SIAH1: variants seen among roughly 807,000 people sequenced by gnomAD.
The protein encoded by SIAH1 is E3 ubiquitin-protein ligase SIAH1.
In SIAH1, 2 loss-of-function variants were observed where a neutral mutation model predicts 20.0. The observed-to-expected ratio is 0.10, with a 90% CI of 0.04 to 0.31. The LOEUF is 0.31. Among genes scored for constraint, SIAH1 ranks in the 10% least tolerant of loss-of-function variants. The pLI is 1.00. For missense variants in SIAH1, 119 were observed against 355.3 expected, an observed-to-expected ratio of 0.33 and a Z score of 5.35; for synonymous variants, 118 against 125.3, an observed-to-expected ratio of 0.94 and a Z score of 0.39.
chr16:48,384,355 A>G (rs755536683), intron 1 of SIAH1, among the ~76,000 whole-genome samples: 21 of 152,308 alleles, frequency 1.4e-4, no homozygotes, highest in Admixed American at 3.3e-4. Context: ...CAAATTATGT[A>G]TCTTTCCAGG....
chr16:48,381,455 G>A (rs997831603), intron 1 of SIAH1, among the ~76,000 whole-genome samples: 2 of 152,182 alleles, frequency 1.3e-5, no homozygotes, highest in African/African-American at 4.8e-5. Flanking sequence ...CCTGCAAATG[G>A]ACGTTTACAG....
At chr16:48,384,646 G>GC (rs924349202) in intron 1 of SIAH1, among the ~76,000 whole-genome samples, 6 of 151,246 alleles carry the variant, frequency 4.0e-5, no homozygotes, top group African/African-American at 1.4e-4. Flanking sequence ...GACGGCTCCA[G>GC]CCGGGGGTCG....
chr16:48,382,340 C>T (rs1269524648), intron 1 of SIAH1, among the ~76,000 whole-genome samples: 2 of 151,942 alleles, frequency 1.3e-5, no homozygotes, highest in Middle Eastern at 3.2e-3. Context: ...GCTATGACAT[C>T]ACCACTGCAC....
intron 1 of SIAH1, among the ~76,000 whole-genome samples, chr16:48,375,579 A>G (rs1375745706): frequency 2.0e-5 from 3 of 152,122 alleles, no homozygotes; most frequent in African/African-American, 7.2e-5. Context: ...TAGAGGGTAT[A>G]GTGAGATGAG....
chr16:48,375,070 A>G (rs1278372309), intron 1 of SIAH1, among the ~76,000 whole-genome samples: 1 of 152,264 alleles, frequency 6.6e-6, no homozygotes, highest in East Asian at 1.9e-4. Context: ...TAATTACTTG[A>G]ACCCGGGCAC....
intron 1 of SIAH1, among the ~76,000 whole-genome samples, chr16:48,374,383 C>CA (rs1237944151): frequency 6.6e-6 from 1 of 152,156 alleles, no homozygotes; most frequent in Admixed American, 6.6e-5. Context: ...TTAAAATTCT[C>CA]AAAGAAAATT....
At chr16:48,376,531 G>A (rs962232345) in intron 1 of SIAH1, among the ~76,000 whole-genome samples, 2 of 151,710 alleles carry the variant, frequency 1.3e-5, no homozygotes, top group South Asian at 2.1e-4. Context: ...TCGCTCTGTC[G>A]CCCAGGCTGG....
intron 1 of SIAH1, among the ~76,000 whole-genome samples, chr16:48,377,255 A>C (rs996264110): frequency 9.2e-5 from 14 of 152,200 alleles, no homozygotes; most frequent in Admixed American, 6.5e-4. Context: ...AGCAAAAAAA[A>C]CCAAAAACAA....
intron 1 of SIAH1, among the ~76,000 whole-genome samples, chr16:48,376,371 GCTTT>G (rs1457243643): frequency 2.0e-5 from 3 of 151,956 alleles, no homozygotes; most frequent in African/African-American, 7.3e-5. Flanking sequence ...TTTTCTCCTT[GCTTT>G]CACTTTTTTT....
rs115857049 is a variant in SIAH1 at position 48,382,145 on chromosome 16, G to A, written c.-3+3059C>T. On this transcript the variant is annotated intron_variant, in intron 1 of 1. Transcript: ENST00000394725. ...TAATCTCAGCACTTTGGGAGTCCGA[G>A]GTGGGCGGATTACTTGAGCCCAGGA... Among the ~76,000 whole-genome samples the A allele has an allele frequency of 4.4e-3, 667 of 152,298 alleles. 7 individuals are homozygous for A. Among genetic ancestry groups the A allele is most frequent in the African/African-American group, 0.015 (638 of 41,568 alleles).
chr16:48,367,409 C>A (rs568062125), intron 1 of SIAH1, among the ~76,000 whole-genome samples: 2 of 152,320 alleles, frequency 1.3e-5, no homozygotes, highest in East Asian at 3.9e-4. Flanking sequence ...TGGACAGGCC[C>A]CTCTACTTAA....
chr16:48,376,523 G>A (rs1263250459), intron 1 of SIAH1, among the ~76,000 whole-genome samples: 5 of 151,676 alleles, frequency 3.3e-5, no homozygotes, highest in African/African-American at 1.2e-4. Context: ...ACAGAGTCTC[G>A]CTCTGTCGCC....
At chr16:48,365,734 A>C in intron 1 of SIAH1, 1 of 1,405,196 alleles carries the variant, frequency 7.1e-7, no homozygotes, top group Non-Finnish European at 9.2e-7. Flanking sequence ...GCTGTCCTCC[A>C]ATGTGCCCTA....
At chr16:48,386,740 G>C (rs890203694), upstream of SIAH1, among the ~76,000 whole-genome samples, 8 of 152,296 alleles carry the variant, frequency 5.3e-5, no homozygotes, top group Non-Finnish European at 7.3e-5. Context: ...CATTTTTACA[G>C]ACTATGTGCT....
chr16:48,373,485 G>A (rs1205324940), intron 1 of SIAH1, among the ~76,000 whole-genome samples: 1 of 152,132 alleles, frequency 6.6e-6, no homozygotes, highest in Non-Finnish European at 1.5e-5. Context: ...ATCTAAAACA[G>A]TCAGGAAATC....
chr16:48,368,715 C>G (rs1191428557), intron 1 of SIAH1, among the ~76,000 whole-genome samples: 2 of 151,930 alleles, frequency 1.3e-5, no homozygotes, highest in South Asian at 2.1e-4. Context: ...TGCACTCCAG[C>G]CTGGGCGACA....
At chr16:48,364,743 C>G (rs1038944696) in intron 1 of SIAH1, 2 of 152,420 alleles carry the variant, frequency 1.3e-5, no homozygotes, top group African/African-American at 4.8e-5. Flanking sequence ...CAGTTTACTT[C>G]AGTAAGCAGC....
chr16:48,364,682 T>A (rs1372417909), intron 1 of SIAH1, among the ~76,000 whole-genome samples: 1 of 152,248 alleles, frequency 6.6e-6, no homozygotes. Flanking sequence ...AACAGTGGGC[T>A]CAGCATTGCC....
intron 1 of SIAH1, among the ~76,000 whole-genome samples, chr16:48,366,402 T>G (rs1371160091): frequency 1.3e-5 from 2 of 152,126 alleles, no homozygotes; most frequent in Non-Finnish European, 2.9e-5. Flanking sequence ...TCATTTCTAC[T>G]CCTATCAGCA....
Sources: gnomAD v4.1 joint callset for allele counts (sites outside exome capture counted in the v4.1 genomes callset) on GRCh38, gnomAD v4.1.1 for gene constraint, MANE v1.5 for transcripts, NCBI Gene and HGNC (gene_info 2026-07-23, HGNC 2026-07-21) for gene names.